The following TDRD12 variants were observed in gnomAD, a reference collection of about 807,000 sequenced individuals.
The protein encoded by TDRD12 is putative ATP-dependent RNA helicase TDRD12.
Under a neutral mutation model 133.5 loss-of-function variants are expected in TDRD12, and 158 were observed. The observed-to-expected ratio is 1.18, with a 90% CI of 1.04 to 1.35. The LOEUF (loss-of-function observed/expected upper bound fraction) is 1.35. Ranked by LOEUF, TDRD12 falls within the 40% of genes most tolerant of loss-of-function variation. TDRD12 has a pLI of 0.00. For synonymous variants in TDRD12, 460 were observed against 477.9 expected (o/e 0.96, Z 0.49); for missense variants, 1,443 against 1,321.3 (o/e 1.09, Z -1.43).
intron 8 of TDRD12, among the ~76,000 whole-genome samples, chr19:32,766,748 G>C (rs1970308608): frequency 6.6e-6 from 1 of 151,932 alleles, no homozygotes; most frequent in African/African-American, 2.4e-5. Context: ...CCGAGTAGCT[G>C]GGACTACAAG....
At chr19:32,734,496 A>C (rs1313118076) in intron 2 of TDRD12, among the ~76,000 whole-genome samples, 3 of 151,456 alleles carry the variant, frequency 2.0e-5, no homozygotes, top group Non-Finnish European at 4.4e-5. Flanking sequence ...TCAGCCTCCC[A>C]AGTGGCTAGG....
exon 8 of TDRD12, chr19:32,826,313 AAAGGACTAC>A: frequency 7.1e-7 from 1 of 1,415,714 alleles, no homozygotes. Flanking sequence ...TAAGGAATGT[AAAGGACTAC>A]AAGTGTCAGT....
At chr19:32,812,187 C>T (rs1423055021) in intron 24 of TDRD12, among the ~76,000 whole-genome samples, 1 of 152,166 alleles carries the variant, frequency 6.6e-6, no homozygotes. Flanking sequence ...AGTGGGAAGG[C>T]CCAGCCCTTG....
At chr19:32,753,605 A>G (rs1015965248) in intron 6 of TDRD12, among the ~76,000 whole-genome samples, 11 of 148,630 alleles carry the variant, frequency 7.4e-5, no homozygotes, top group Non-Finnish European at 1.6e-4. Flanking sequence ...CTGGGTTCAC[A>G]CCATTCTCCT....
At chr19:32,755,693 G>A (rs8100942) in intron 6 of TDRD12, among the ~76,000 whole-genome samples, 73,238 of 152,058 alleles carry the variant, frequency 0.48, 17,705 homozygotes, top group Middle Eastern at 0.55. Flanking sequence ...TTGATGGTTC[G>A]TGTTTTGTCT....
intron 1 of TDRD12, among the ~76,000 whole-genome samples, chr19:32,720,852 C>T (rs931021389): frequency 2.1e-5 from 3 of 140,870 alleles, no homozygotes; most frequent in African/African-American, 8.1e-5. Context: ...GGGGGCACCC[C>T]GGGCTGGGAG....
At chr19:32,803,254 G>A in intron 21 of TDRD12, 112 bp downstream of exon 21, 1 of 795,322 alleles carries the variant, frequency 1.3e-6, no homozygotes, top group Non-Finnish European at 1.9e-6. Flanking sequence ...CCACTCTGAG[G>A]GAGCAGTCTG....
chr19:32,812,748 C>T lies in TDRD12; in HGVS notation c.3049-936C>T, dbSNP rs566698720. ...GGAGAAAGGTTCTCCTGTGTACATT[C>T]TTCTGAATTAATTCACCAAGTGCAA... On this transcript the variant is annotated intron_variant, in intron 24 of 27. Transcript: ENST00000444215. Among the ~76,000 whole-genome samples the T allele has an allele frequency of 1.1e-4, 16 of 152,322 alleles. 1 individual carries two copies. In the South Asian group the frequency reaches 3.1e-3, roughly 30 times the overall value.
intron 4 of TDRD12, among the ~76,000 whole-genome samples, chr19:32,745,898 G>A (rs2145496760): frequency 6.6e-6 from 1 of 150,974 alleles, no homozygotes; most frequent in East Asian, 2.0e-4. Flanking sequence ...TTCTGTGTGT[G>A]ACAGAGAGTG....
At chr19:32,756,134 C>G (rs772202882) in exon 7 of TDRD12, 11 of 1,450,236 alleles carry the variant, frequency 7.6e-6, no homozygotes, top group Non-Finnish European at 1.0e-5. Context: ...CCAGCACTTA[C>G]ACTCTGGCCA....
chr19:32,769,845 A>G (rs1206757690), intron 8 of TDRD12, among the ~76,000 whole-genome samples: 4 of 152,098 alleles, frequency 2.6e-5, no homozygotes, highest in Admixed American at 2.0e-4. Context: ...CATGTTGATC[A>G]GGCTGGTCTC....
chr19:32,737,285 A>G (rs572746364), intron 2 of TDRD12, among the ~76,000 whole-genome samples: 4 of 151,442 alleles, frequency 2.6e-5, no homozygotes, highest in African/African-American at 9.7e-5. Context: ...GCTCACTGCA[A>G]CCTCTGCCTC....
chr19:32,756,779 T>C (rs944120423), intron 7 of TDRD12, among the ~76,000 whole-genome samples: 2 of 152,218 alleles, frequency 1.3e-5, no homozygotes, highest in East Asian at 3.8e-4. Context: ...ATTTAGACTT[T>C]AGACACCTTT....
At chr19:32,788,976 C>T (rs1424757222) in intron 11 of TDRD12, among the ~76,000 whole-genome samples, 1 of 152,202 alleles carries the variant, frequency 6.6e-6, no homozygotes, top group Non-Finnish European at 1.5e-5. Flanking sequence ...CAGTTCAGCA[C>T]CTCTGTTTGC....
chr19:32,734,470 G>A (rs921215719), intron 2 of TDRD12, among the ~76,000 whole-genome samples: 4 of 150,394 alleles, frequency 2.7e-5, no homozygotes, highest in Non-Finnish European at 5.9e-5. Context: ...TTTTGGTATC[G>A]AGCAATCCTC....
At chr19:32,798,054 G>A (rs1971281936) in intron 15 of TDRD12, among the ~76,000 whole-genome samples, 163 bp downstream of exon 15, 1 of 152,218 alleles carries the variant, frequency 6.6e-6, no homozygotes, top group African/African-American at 2.4e-5. Context: ...GCTCCCGACG[G>A]TTTTGATTAC....
intron 1 of TDRD12, among the ~76,000 whole-genome samples, chr19:32,722,505 A>G (rs1968715554): frequency 6.6e-6 from 1 of 152,068 alleles, no homozygotes; most frequent in Non-Finnish European, 1.5e-5. Context: ...AGCTTTTACA[A>G]GGATGAAATA....
rs1004614511 is a variant in TDRD12, at chr19:32,773,588, C to T, written c.1040+56C>T. 5 of 1,465,498 alleles carry T rather than the reference C, an allele frequency of 3.4e-6. No homozygotes were observed. In the African/African-American group the frequency reaches 5.6e-5, roughly 16 times the overall value. 90.8% of individuals were successfully genotyped at this position (1,465,498 alleles called of 1,614,324 possible). On this transcript the variant is annotated intron_variant, in intron 10 of 27. Coordinates refer to ENST00000444215, the Ensembl canonical transcript of TDRD12. ...TGGCGCCTGCCTGTAGTCCCAGCTA[C>T]TGGGGAGGCTGAGCTGGGGGGATCG...
At chr19:32,822,825 TGAGGA>T (rs1366643697), downstream of TDRD12, among the ~76,000 whole-genome samples, 3 of 150,952 alleles carry the variant, frequency 2.0e-5, no homozygotes, top group Non-Finnish European at 4.4e-5. Context: ...AAAGGAGAGG[TGAGGA>T]GACCATTTGC....
Sources: gnomAD v4.1 joint callset for allele counts (sites outside exome capture counted in the v4.1 genomes callset) on GRCh38, gnomAD v4.1.1 for gene constraint, MANE v1.5 for transcripts, NCBI Gene and HGNC (gene_info 2026-07-23, HGNC 2026-07-21) for gene names.